The following SPTBN1 variants were observed in gnomAD, a reference collection of about 807,000 sequenced individuals.
The protein encoded by SPTBN1 is spectrin beta, non-erythrocytic 1, also known as spectrin beta chain, non-erythrocytic 1.
SPTBN1 carries 32 observed loss-of-function variants against 266.4 expected under a neutral mutation model. That is an observed-to-expected ratio of 0.12 (90% CI 0.09 to 0.16). SPTBN1 has a LOEUF of 0.16. SPTBN1 is among the 10% of genes least tolerant of loss of function. The pLI is 1.00. For missense variants in SPTBN1, 2,296 were observed against 3,067.1 expected (o/e 0.75, Z 5.94); for synonymous variants, 1,336 against 1,162.2 (o/e 1.15, Z -3.04).
At chr2:54,662,363 C>A in intron 32 of SPTBN1, 1 of 977,842 alleles carries the variant, frequency 1.0e-6, no homozygotes, top group South Asian at 4.7e-5. Context: ...ATGATCTCTG[C>A]ATACTGGTTT....
chr2:54,569,223 C>A (rs137970201), intron 2 of SPTBN1, among the ~76,000 whole-genome samples: 31 of 152,226 alleles, frequency 2.0e-4, no homozygotes, highest in African/African-American at 6.7e-4. Flanking sequence ...TGGCAACACT[C>A]CAGAACCGTC....
chr2:54,657,827 C>G, intron 29 of SPTBN1, 23 bp from the exon 30 acceptor site: 1 of 1,613,946 alleles, frequency 6.2e-7, no homozygotes, highest in Non-Finnish European at 8.5e-7. Flanking sequence ...TCAACGTGTA[C>G]TAACTCATGG....
rs769513809 is a variant in SPTBN1, at chr2:54,612,385, A to G, written c.474+51A>G. 2.6e-6 allele frequency: 4 copies of G among 1,559,160 alleles called. No individual in the cohort carries two copies. The Admixed American group carries it at 5.5e-5, about 22-fold the overall frequency. On this transcript the variant is annotated intron_variant, in intron 4 of 35. Transcript: ENST00000356805. ...CAGAACTTAGGCCGACCTCTCAGGT[A>G]TGAGCATTGTTATAGAGCTGGCCTC...
At chr2:54,489,949 T>A (rs1195602278) in intron 1 of SPTBN1, among the ~76,000 whole-genome samples, 5 of 152,220 alleles carry the variant, frequency 3.3e-5, no homozygotes, top group Non-Finnish European at 7.3e-5. Context: ...ATGTTTGTAA[T>A]TCTAGCTGTG....
chr2:54,577,927 C>A (rs919702119), intron 2 of SPTBN1, among the ~76,000 whole-genome samples: 1 of 131,976 alleles, frequency 7.6e-6, no homozygotes, highest in African/African-American at 3.6e-5. Flanking sequence ...AAAGGATTTG[C>A]TGAGACTCTC....
At chr2:54,605,520 T>C (rs981319259) in intron 3 of SPTBN1, among the ~76,000 whole-genome samples, 1 of 152,248 alleles carries the variant, frequency 6.6e-6, no homozygotes, top group Non-Finnish European at 1.5e-5. Context: ...GAACACACAG[T>C]AGTTGCTCAG....
chr2:54,512,411 C>T (rs529553414), intron 1 of SPTBN1, among the ~76,000 whole-genome samples: 2 of 152,140 alleles, frequency 1.3e-5, no homozygotes, highest in Non-Finnish European at 2.9e-5. Flanking sequence ...TTAATGCAAG[C>T]GATGGTAGTT....
intron 11 of SPTBN1, 135 bp downstream of exon 11, chr2:54,625,097 C>A: frequency 2.0e-6 from 2 of 1,014,332 alleles, no homozygotes; most frequent in Non-Finnish European, 2.8e-6. Context: ...GTCACCTTGG[C>A]CCCTTCCCAT....
chr2:54,590,316 A>T (rs10206143), intron 2 of SPTBN1, among the ~76,000 whole-genome samples: 50,081 of 152,144 alleles, frequency 0.33, 10,479 homozygotes, highest in African/African-American at 0.6. Flanking sequence ...TCTTTGTGAT[A>T]TGAAATTTCC....
rs778322169 is a variant in SPTBN1 at position 54,659,264 on chromosome 2, G to T, written c.6354G>T (p.Gln2118His). ...KVSEEAESQQ[Q>H]WDTSKGEQVS... is the part of the protein sequence containing the mutation. ...CAGAGGAAGCCGAGTCCCAGCAGCA[G>T]TGGTGAGTCCCAGCAGCTCCAGAGG... The change falls in exon 31 of 36, where the codon CAG (glutamine) becomes CAT (histidine). Residue 2118 changes from glutamine to histidine, a missense_variant and splice_region_variant. By Grantham distance (24) the Gln-to-His change is conservative (BLOSUM62 0). Coordinates refer to ENST00000356805, the MANE Select transcript of SPTBN1 (RefSeq NM_003128.3). The T allele has an allele frequency of 2.5e-6, 4 of 1,614,020 alleles. No homozygotes were observed. The highest frequency in any genetic ancestry group is 1.7e-6 in the Non-Finnish European group (2 of 1,179,958).
At chr2:54,616,134 C>A in intron 4 of SPTBN1, 73 bp from the exon 5 acceptor site, 1 of 1,271,738 alleles carries the variant, frequency 7.9e-7, no homozygotes. Flanking sequence ...TATGTATATG[C>A]AGACCTGTTC....
At chr2:54,547,681 G>A (rs1289247647) in intron 2 of SPTBN1, among the ~76,000 whole-genome samples, 4 of 152,154 alleles carry the variant, frequency 2.6e-5, no homozygotes, top group Non-Finnish European at 4.4e-5. Context: ...GTCTCAAATT[G>A]TGTTTTTCTT....
At chr2:54,507,802 C>CTTTT (rs35551436) in intron 1 of SPTBN1, among the ~76,000 whole-genome samples, 4 of 139,832 alleles carry the variant, frequency 2.9e-5, no homozygotes, top group African/African-American at 7.9e-5. Context: ...ATAGAGTCCC[C>CTTTT]TTTTTTTTTT....
intron 24 of SPTBN1, among the ~76,000 whole-genome samples, 192 bp from the exon 25 acceptor site, chr2:54,648,794 T>A (rs1319006277): frequency 6.6e-6 from 1 of 152,214 alleles, no homozygotes; most frequent in Non-Finnish European, 1.5e-5. Flanking sequence ...TGTTTACATA[T>A]TGGCTCTTCA....
chr2:54,632,389 T>C (rs1199327768), intron 16 of SPTBN1, among the ~76,000 whole-genome samples, 177 bp from the exon 17 acceptor site: 3 of 152,170 alleles, frequency 2.0e-5, no homozygotes, highest in Non-Finnish European at 4.4e-5. Context: ...GGAAATTCGG[T>C]CAGTTACAGT....
chr2:54,635,539 A>G (rs895160529), intron 17 of SPTBN1, among the ~76,000 whole-genome samples: 4 of 152,262 alleles, frequency 2.6e-5, no homozygotes, highest in African/African-American at 9.6e-5. Flanking sequence ...AGAGTTGATT[A>G]TATAAGAAAT....
intron 8 of SPTBN1, among the ~76,000 whole-genome samples, 196 bp from the exon 9 acceptor site, chr2:54,622,104 T>C (rs1412700397): frequency 6.6e-6 from 1 of 152,162 alleles, no homozygotes; most frequent in Non-Finnish European, 1.5e-5. Context: ...CAAATAATAA[T>C]CACAGTCTGG....
chr2:54,552,628 TG>T (rs1672644835), intron 2 of SPTBN1, among the ~76,000 whole-genome samples: 1 of 152,010 alleles, frequency 6.6e-6, no homozygotes, highest in African/African-American at 2.4e-5. Context: ...GGCTCATTTT[TG>T]TATTTTCAAT....
At chr2:54,550,772 T>C (rs1382824092) in intron 2 of SPTBN1, among the ~76,000 whole-genome samples, 1 of 152,242 alleles carries the variant, frequency 6.6e-6, no homozygotes, top group Admixed American at 6.5e-5. Flanking sequence ...TGTGTCCTAG[T>C]GTGTCTGATT....
Sources: allele counts gnomAD v4.1 joint callset (sites outside exome capture counted in the v4.1 genomes callset), GRCh38; gene constraint gnomAD v4.1.1; transcripts MANE v1.5; gene names NCBI Gene and HGNC (gene_info 2026-07-23, HGNC 2026-07-21).